THSD7B: variants seen among roughly 807,000 people sequenced by gnomAD.
THSD7B encodes the protein thrombospondin type-1 domain-containing protein 7B.
Under a neutral mutation model 213.6 loss-of-function variants are expected in THSD7B, and 138 were observed. That is an observed-to-expected ratio of 0.65 (90% CI 0.56 to 0.74). THSD7B has a LOEUF of 0.74. Ranked by LOEUF, THSD7B falls within the 30% of genes least tolerant of loss-of-function variation. The probability of loss-of-function intolerance (pLI) is 0.00; values close to 1 mark genes in which losing one functional copy is unlikely to be tolerated. For synonymous variants in THSD7B, 742 were observed against 687.0 expected, an observed-to-expected ratio of 1.08 and a Z score of -1.25; for missense variants, 1,931 against 1,991.5, an observed-to-expected ratio of 0.97 and a Z score of 0.58.
At position 137,225,608 on chromosome 2, in the gene THSD7B, G is replaced by C. The variant is rs1573897677; in HGVS notation, c.1724-5436G>C. On this transcript the variant is annotated intron_variant, in intron 7 of 27. Transcript: ENST00000409968. ...TCTTCATGCCTCAGGTGTAACAATA[G>C]TGCCAAACTAATGATATTAATATGA... is the stretch of plus-strand genomic sequence containing the variant. 3.9e-5 allele frequency among the ~76,000 whole-genome samples: 6 copies of C among 152,244 alleles called. 1 individual carries two copies. In the South Asian group the frequency reaches 1.2e-3, roughly 32 times the overall value.
At chr2:137,583,162 T>G (rs528251698) in intron 17 of THSD7B, among the ~76,000 whole-genome samples, 46 of 152,362 alleles carry the variant, frequency 3.0e-4, no homozygotes, top group Non-Finnish European at 5.6e-4. Flanking sequence ...TCTGTTCATA[T>G]CCTTTGCCCA....
intron 1 of THSD7B, among the ~76,000 whole-genome samples, chr2:136,772,917 T>G (rs1681534039): frequency 6.6e-6 from 1 of 152,180 alleles, no homozygotes; most frequent in Non-Finnish European, 1.5e-5. Context: ...AATACTAATG[T>G]CTTGTAACTA....
intron 15 of THSD7B, among the ~76,000 whole-genome samples, chr2:137,562,356 A>G (rs1681136696): frequency 6.6e-6 from 1 of 152,128 alleles, no homozygotes; most frequent in Admixed American, 6.6e-5. Flanking sequence ...CTTACCTAGA[A>G]AGAGCACTGT....
At chr2:137,216,600 C>T (rs1681248324) in intron 7 of THSD7B, among the ~76,000 whole-genome samples, 1 of 152,060 alleles carries the variant, frequency 6.6e-6, no homozygotes, top group South Asian at 2.1e-4. Context: ...AACGGGTGCC[C>T]CATGGTGCCC....
intron 1 of THSD7B, among the ~76,000 whole-genome samples, chr2:136,769,095 C>T (rs1434400681): frequency 1.3e-5 from 2 of 152,070 alleles, no homozygotes; most frequent in Non-Finnish European, 2.9e-5. Flanking sequence ...CTCCATCTAC[C>T]GAGATTATTT....
chr2:137,143,108 A>C (rs13391310), intron 5 of THSD7B, among the ~76,000 whole-genome samples: 11,119 of 152,180 alleles, frequency 0.073, 1,204 homozygotes, highest in African/African-American at 0.23. Context: ...CCAGAAAAAA[A>C]ACAGAGAAGG....
intron 10 of THSD7B, among the ~76,000 whole-genome samples, chr2:137,254,347 TGG>T (rs1682256007): frequency 6.6e-6 from 1 of 152,210 alleles, no homozygotes; most frequent in African/African-American, 2.4e-5. Context: ...TGAGACCTTA[TGG>T]ATAACCAAAG....
At chr2:137,381,408 G>C (rs1304169774) in intron 12 of THSD7B, among the ~76,000 whole-genome samples, 3 of 152,238 alleles carry the variant, frequency 2.0e-5, no homozygotes, top group Non-Finnish European at 4.4e-5. Context: ...ACGCAGGCAG[G>C]TCACCTGGAT....
At chr2:137,543,153 GTATCTGACCTTTC>G (rs1485685586) in intron 15 of THSD7B, among the ~76,000 whole-genome samples, 1 of 151,722 alleles carries the variant, frequency 6.6e-6, no homozygotes, top group African/African-American at 2.4e-5. Flanking sequence ...CGCTTCTCCT[GTATCTGACCTTTC>G]TATGATCCTC....
intron 20 of THSD7B, among the ~76,000 whole-genome samples, chr2:137,624,613 A>C (rs955082363): frequency 7.2e-5 from 10 of 138,678 alleles, no homozygotes; most frequent in Non-Finnish European, 1.2e-4. Context: ...CAAAGAACTT[A>C]AACAAATTTA....
intron 1 of THSD7B, among the ~76,000 whole-genome samples, chr2:136,806,757 G>C (rs1290436252): frequency 6.6e-6 from 1 of 152,092 alleles, no homozygotes; most frequent in East Asian, 1.9e-4. Context: ...TACTTCATTG[G>C]TTGTTTTCTA....
chr2:137,224,075 G>C (rs1299094210), intron 7 of THSD7B, among the ~76,000 whole-genome samples: 1 of 152,174 alleles, frequency 6.6e-6, no homozygotes, highest in African/African-American at 2.4e-5. Context: ...AACAGTGTGA[G>C]AATGAACTAA....
intron 2 of THSD7B, among the ~76,000 whole-genome samples, chr2:136,920,342 G>A (rs1354436454): frequency 7.2e-5 from 11 of 152,302 alleles, no homozygotes; most frequent in Non-Finnish European, 1.5e-4. Flanking sequence ...ACCTGTAGTC[G>A]GTAGTTCCTT....
intron 2 of THSD7B, among the ~76,000 whole-genome samples, chr2:136,967,566 C>T (rs544096511): frequency 2.2e-4 from 34 of 152,146 alleles, no homozygotes; most frequent in African/African-American, 7.5e-4. Flanking sequence ...TTGCCTTATT[C>T]GTATTTCAAA....
At chr2:137,104,828 G>A (rs1688217171) in intron 4 of THSD7B, among the ~76,000 whole-genome samples, 1 of 152,162 alleles carries the variant, frequency 6.6e-6, no homozygotes, top group African/African-American at 2.4e-5. Flanking sequence ...TAAATTCCTG[G>A]ACACTTACAC....
intron 12 of THSD7B, among the ~76,000 whole-genome samples, chr2:137,364,076 G>A (rs1205006343): frequency 1.3e-5 from 2 of 152,172 alleles, no homozygotes; most frequent in Non-Finnish European, 2.9e-5. Context: ...GGAATGCAAG[G>A]CTGGTTCAAC....
At chr2:137,654,302 A>G (rs1683192108) in intron 21 of THSD7B, among the ~76,000 whole-genome samples, 1 of 152,192 alleles carries the variant, frequency 6.6e-6, no homozygotes, top group Non-Finnish European at 1.5e-5. Context: ...AACCTCCTAC[A>G]GCGTGGTACT....
chr2:136,776,025 A>G (rs1394012257), intron 1 of THSD7B, among the ~76,000 whole-genome samples: 6 of 152,134 alleles, frequency 3.9e-5, no homozygotes, highest in Admixed American at 2.0e-4. Flanking sequence ...TATATGTACT[A>G]TGGTTGGCCC....
At position 136,914,909 on chromosome 2, in the gene THSD7B, T is replaced by G. The variant is rs112730848; in HGVS notation, c.139+32592T>G. ...GATAGGCATCATATAACTGTATAAT[T>G]TTGAGCTATATTACCAGAAACATTA... On this transcript the variant is annotated intron_variant, in intron 2 of 27. Transcript: ENST00000409968. Among the ~76,000 whole-genome samples the G allele has an allele frequency of 6.8e-4, 103 of 152,220 alleles. No individual in the cohort carries two copies. The Middle Eastern group carries it at 0.01, about 15-fold the overall frequency.
Sources: gnomAD v4.1 joint callset for allele counts (sites outside exome capture counted in the v4.1 genomes callset) on GRCh38, gnomAD v4.1.1 for gene constraint, MANE v1.5 for transcripts, NCBI Gene and HGNC (gene_info 2026-07-23, HGNC 2026-07-21) for gene names.